PLPP4: variants seen among roughly 807,000 people sequenced by gnomAD.
The protein encoded by PLPP4 is phospholipid phosphatase 4, also known as diacylglycerol pyrophosphate like 2.
In PLPP4, 20 loss-of-function variants were observed where a neutral mutation model predicts 32.2. The ratio of observed to expected loss-of-function variants is 0.62; its 90% CI spans 0.44 to 0.90. The LOEUF (loss-of-function observed/expected upper bound fraction) is 0.90, where lower values mean the gene tolerates loss of function less well. Ranked by LOEUF, PLPP4 falls within the 40% of genes least tolerant of loss-of-function variation. The probability of loss-of-function intolerance (pLI) is 0.00; values close to 1 mark genes in which losing one functional copy is unlikely to be tolerated. For missense variants in PLPP4, 257 were observed against 353.1 expected (o/e 0.73, Z 2.18); for synonymous variants, 127 against 133.0 (o/e 0.95, Z 0.31).
intron 1 of PLPP4, among the ~76,000 whole-genome samples, chr10:120,503,196 C>T (rs2133865418): frequency 6.6e-6 from 1 of 152,372 alleles, no homozygotes; most frequent in Non-Finnish European, 1.5e-5. Context: ...GCCTGGCACT[C>T]ACAGCCCCAA....
At chr10:120,544,514 C>A (rs1847518144) in intron 5 of PLPP4, among the ~76,000 whole-genome samples, 1 of 152,192 alleles carries the variant, frequency 6.6e-6, no homozygotes, top group Admixed American at 6.5e-5. Flanking sequence ...GCCCAGCTCA[C>A]ACCCCCACCT....
intron 5 of PLPP4, among the ~76,000 whole-genome samples, chr10:120,553,161 T>C (rs1402333312): frequency 6.6e-6 from 1 of 152,238 alleles, no homozygotes; most frequent in African/African-American, 2.4e-5. Flanking sequence ...AGCCTCTTAC[T>C]CTTTCTCAGT....
intron 5 of PLPP4, among the ~76,000 whole-genome samples, chr10:120,568,051 G>A (rs4752440): frequency 0.21 from 32,206 of 152,110 alleles, 3,451 homozygotes; most frequent in African/African-American, 0.23. Flanking sequence ...CTTCTCATAC[G>A]GTTGTGCTAC....
At chr10:120,471,462 A>T (rs1848514270) in intron 1 of PLPP4, among the ~76,000 whole-genome samples, 1 of 151,764 alleles carries the variant, frequency 6.6e-6, no homozygotes, top group Non-Finnish European at 1.5e-5. Context: ...TCTCCTTCTG[A>T]TGCTTGAGCT....
At chr10:120,518,754 A>G (rs968441350) in intron 3 of PLPP4, 79 bp from the exon 4 acceptor site, 33 of 1,066,396 alleles carry the variant, frequency 3.1e-5, no homozygotes, top group Middle Eastern at 2.2e-4. Context: ...TGTAACAGTG[A>G]TGATGATGAT....
At chr10:120,519,414 C>T (rs528217454) in intron 4 of PLPP4, among the ~76,000 whole-genome samples, 25 of 151,860 alleles carry the variant, frequency 1.6e-4, no homozygotes, top group Non-Finnish European at 2.9e-4. Context: ...CATCTGAATT[C>T]AAGACCTAAC....
chr10:120,499,073 T>G (rs1407585151), intron 1 of PLPP4, among the ~76,000 whole-genome samples: 2 of 152,184 alleles, frequency 1.3e-5, no homozygotes, highest in Non-Finnish European at 2.9e-5. Context: ...CCGTTCTGTT[T>G]TTATTGGAAG....
chr10:120,582,797 C>CCCTCCCTCCCTCCCTT, intron 6 of PLPP4, among the ~76,000 whole-genome samples: 1 of 127,292 alleles, frequency 7.9e-6, no homozygotes, highest in Non-Finnish European at 1.7e-5. Flanking sequence ...CTCCCTCCCT[C>CCCTCCCTCCCTCCCTT]CCTCCCTTCC....
chr10:120,549,455 C>A (rs1404213153), intron 5 of PLPP4, among the ~76,000 whole-genome samples: 1 of 151,622 alleles, frequency 6.6e-6, no homozygotes, highest in Non-Finnish European at 1.5e-5. Flanking sequence ...GTTAACCTTA[C>A]CTAAAACTTT....
chr10:120,469,781 A>G (rs1445955347), intron 1 of PLPP4, among the ~76,000 whole-genome samples: 1 of 152,204 alleles, frequency 6.6e-6, no homozygotes, highest in Admixed American at 6.5e-5. Context: ...TTTTATTTAT[A>G]GCTTAATTTT....
intron 1 of PLPP4, among the ~76,000 whole-genome samples, chr10:120,481,604 C>T (rs1052775966): frequency 6.6e-6 from 1 of 152,184 alleles, no homozygotes; most frequent in Non-Finnish European, 1.5e-5. Flanking sequence ...CAACTGGGTC[C>T]TTACAGCCTC....
At chr10:120,584,653 T>C (rs1849670194) in intron 6 of PLPP4, among the ~76,000 whole-genome samples, 2 of 152,216 alleles carry the variant, frequency 1.3e-5, no homozygotes, top group East Asian at 3.8e-4. Flanking sequence ...CTTGCCTGTC[T>C]ATCAAGAGGA....
At position 120,480,871 on chromosome 10, in the gene PLPP4, A is replaced by C. The variant is rs1395941517; in HGVS notation, c.57-22947A>C. The stretch of plus-strand genomic sequence containing the variant: ...GATTTTCAGGCCCAAGTTGGGCTCT[A>C]CTTTATCTGAGGAGCTTTCCCTAAG... On this transcript the variant is annotated intron_variant, in intron 1 of 6. Transcript: ENST00000398250. Among the ~76,000 whole-genome samples, 5 of 152,206 alleles carry C rather than the reference A, an allele frequency of 3.3e-5. No individual in the cohort carries two copies. The East Asian group carries it at 5.8e-4, about 18-fold the overall frequency.
intron 5 of PLPP4, among the ~76,000 whole-genome samples, chr10:120,542,917 C>A (rs900896526): frequency 1.3e-5 from 2 of 152,222 alleles, no homozygotes; most frequent in Admixed American, 6.5e-5. Context: ...CTCCCAGAGG[C>A]AGTTCGTGTC....
At chr10:120,571,825 A>T (rs1848954986) in intron 5 of PLPP4, among the ~76,000 whole-genome samples, 2 of 152,222 alleles carry the variant, frequency 1.3e-5, no homozygotes, top group South Asian at 4.1e-4. Flanking sequence ...CATAGCTCAG[A>T]CATGCCCTTG....
intron 5 of PLPP4, among the ~76,000 whole-genome samples, chr10:120,546,664 T>G (rs1013591736): frequency 6.6e-6 from 1 of 152,176 alleles, no homozygotes; most frequent in Non-Finnish European, 1.5e-5. Context: ...CCCTCCTGGC[T>G]CTTCCCTATA....
chr10:120,477,655 G>T (rs897708724), intron 1 of PLPP4, among the ~76,000 whole-genome samples: 1 of 152,190 alleles, frequency 6.6e-6, no homozygotes, highest in South Asian at 2.1e-4. Context: ...ATTTCCTGGC[G>T]TGGCCTTGAG....
intron 1 of PLPP4, among the ~76,000 whole-genome samples, chr10:120,470,107 A>G (rs1234129671): frequency 2.0e-5 from 3 of 152,252 alleles, no homozygotes; most frequent in Non-Finnish European, 2.9e-5. Context: ...GAAGGTGTCC[A>G]TCATTATGCA....
intron 1 of PLPP4, among the ~76,000 whole-genome samples, chr10:120,503,401 G>A (rs1845355096): frequency 6.6e-6 from 1 of 152,166 alleles, no homozygotes; most frequent in Non-Finnish European, 1.5e-5. Flanking sequence ...ACCAACCGAT[G>A]AAGACAGCAC....
Sources: gnomAD v4.1 joint callset for allele counts (sites outside exome capture counted in the v4.1 genomes callset) on GRCh38, gnomAD v4.1.1 for gene constraint, MANE v1.5 for transcripts, NCBI Gene and HGNC (gene_info 2026-07-23, HGNC 2026-07-21) for gene names.